The following CSMD2 variants were observed in gnomAD, a reference collection of about 807,000 sequenced individuals.
CSMD2 encodes the protein CUB and Sushi multiple domains 2.
Under a neutral mutation model 398.5 loss-of-function variants are expected in CSMD2, and 130 were observed. The observed-to-expected ratio is 0.33, with a 90% CI of 0.28 to 0.38. CSMD2 has a LOEUF of 0.38. CSMD2 is among the 10% of genes least tolerant of loss of function. CSMD2 has a pLI of 1.00. For synonymous variants in CSMD2, 1,828 were observed against 1,908.5 expected (o/e 0.96, Z 1.10); for missense variants, 3,829 against 4,764.9 (o/e 0.80, Z 5.78).
intron 4 of CSMD2, among the ~76,000 whole-genome samples, chr1:33,920,612 G>A (rs1414888127): frequency 6.6e-6 from 1 of 151,888 alleles, no homozygotes; most frequent in Non-Finnish European, 1.5e-5. Context: ...AAGTGGCAGG[G>A]GAGGCAGGGC....
In CSMD2 at chr1:33,635,279, T is replaced by C. The variant is rs138573976; in HGVS notation, c.5021A>G (p.Asn1674Ser). Residue 1674 changes from asparagine (N) to serine (S), a missense_variant, in exon 31 of 71, where the codon AAC (asparagine) becomes AGC (serine). Around this residue, in one of 5 missense-constraint regions of CSMD2, gnomAD observed 2,001 missense variants for 2,567.1 expected, o/e 0.78. Coordinates refer to ENST00000373381, the MANE Select transcript of CSMD2 (RefSeq NM_001281956.2). This position sits in a 1 kb window ranked among gnomAD's most constrained non-coding sequence, Gnocchi z 5.0. The stretch of plus-strand genomic sequence containing the variant: ...TCCACTGGTGTAGTTCTGGGGGTAG[T>C]TGGGGGACAAGACCACTCCGTCCGA... Reference protein sequence around the residue: ...VGSDGVVLSPNYPQNYTSGQI... With the variant: ...VGSDGVVLSPSYPQNYTSGQI... 5 of 1,612,788 alleles carry C rather than the reference T, an allele frequency of 3.1e-6. No homozygotes were observed. Among genetic ancestry groups the C allele is most frequent in the African/African-American group, 2.7e-5 (2 of 74,622 alleles).
intron 4 of CSMD2, among the ~76,000 whole-genome samples, chr1:33,922,476 A>G (rs1403977312): frequency 6.6e-6 from 1 of 152,164 alleles, no homozygotes; most frequent in Admixed American, 6.5e-5. Flanking sequence ...CCAGGTGGAC[A>G]ACAAAGAATT....
At position 33,952,695 on chromosome 1, in the gene CSMD2, C is replaced by CAT. The variant is rs1328770808; in HGVS notation, c.518-16742_518-16741insAT. Among the ~76,000 whole-genome samples the CAT allele has an allele frequency of 6.5e-5, 9 of 137,640 alleles. No individual in the cohort carries two copies. The East Asian group carries it at 1.5e-3, about 24-fold the overall frequency. The allele number at this position is 137,640 out of a possible 152,430, so 90.3% of individuals were successfully genotyped here. A position where few individuals can be genotyped will look rare whatever the true frequency, so the allele number is the denominator to read the frequency against. ...TTGTTTACACACACACACACACACA[C>CAT]ACACACATGCACACACACAAACATT... On this transcript the variant is annotated intron_variant, in intron 3 of 70. Transcript: ENST00000373381.
At chr1:33,941,999 T>C (rs1337421182) in intron 3 of CSMD2, among the ~76,000 whole-genome samples, 1 of 152,198 alleles carries the variant, frequency 6.6e-6, no homozygotes, top group African/African-American at 2.4e-5. Context: ...TTTTTTGGTC[T>C]TTTTTGTTCA....
intron 1 of CSMD2, among the ~76,000 whole-genome samples, chr1:34,130,859 C>T (rs2148497122): frequency 6.6e-6 from 1 of 152,202 alleles, no homozygotes; most frequent in Non-Finnish European, 1.5e-5. Context: ...AAACCCGTCC[C>T]AGGTCCCCAT....
intron 49 of CSMD2, among the ~76,000 whole-genome samples, chr1:33,573,806 G>A (rs573570397): frequency 6.6e-5 from 10 of 152,240 alleles, no homozygotes; most frequent in Admixed American, 6.5e-4. Flanking sequence ...AGATGGAAAG[G>A]GAGCCAAAGG....
chr1:33,752,104 T>C (rs989520311), intron 13 of CSMD2, among the ~76,000 whole-genome samples: 1 of 152,230 alleles, frequency 6.6e-6, no homozygotes, highest in Non-Finnish European at 1.5e-5. Flanking sequence ...TAGCTAAATG[T>C]ATTAAACAGT....
Position 33,739,137 on chromosome 1 carries a change from T to C in CSMD2, c.2368+3A>G. On this transcript the variant is annotated splice_donor_region_variant and intron_variant, in intron 15 of 70. Coordinates refer to ENST00000373381, the MANE Select transcript of CSMD2 (RefSeq NM_001281956.2). ...CCACTGCTCCCAGCCTGCAGGCTCG[T>C]ACCTTCACACCGCAGCACAGCGCTG... 6.2e-7 allele frequency: 1 copy of C among 1,610,494 alleles called. No individual in the cohort carries two copies. The highest frequency in any genetic ancestry group is 8.5e-7 in the Non-Finnish European group (1 of 1,178,708).
chr1:33,576,176 A>G (rs1660052621), intron 49 of CSMD2, among the ~76,000 whole-genome samples: 1 of 152,268 alleles, frequency 6.6e-6, no homozygotes, highest in African/African-American at 2.4e-5. Flanking sequence ...ATGGAATTAT[A>G]AGTTTATCGT....
chr1:34,157,133 G>GA (rs1421664519), intron 1 of CSMD2, among the ~76,000 whole-genome samples: 1 of 152,182 alleles, frequency 6.6e-6, no homozygotes, highest in Non-Finnish European at 1.5e-5. Context: ...TCTCCCTGAA[G>GA]AATGATCCCT....
chr1:33,986,081 C>T (rs12137848), intron 3 of CSMD2, among the ~76,000 whole-genome samples: 4,107 of 152,284 alleles, frequency 0.027, 150 homozygotes, highest in East Asian at 0.19. Flanking sequence ...GGCACCACCC[C>T]AGTCCAGCCC....
chr1:34,015,240 TCGA>T (rs539933690), intron 3 of CSMD2, among the ~76,000 whole-genome samples: 55 of 152,304 alleles, frequency 3.6e-4, no homozygotes, highest in Admixed American at 1.4e-3. Context: ...GGAAGCACAC[TCGA>T]CCTCACTGGG....
chr1:33,810,901 A>C (rs1435064904), intron 9 of CSMD2, 37 bp from the exon 10 acceptor site: 1 of 1,604,630 alleles, frequency 6.2e-7, no homozygotes, highest in Non-Finnish European at 8.5e-7. Flanking sequence ...TTGAATTAAG[A>C]CTAGGTCCAG....
intron 1 of CSMD2, among the ~76,000 whole-genome samples, chr1:34,110,332 T>A (rs781688138): frequency 6.6e-6 from 1 of 152,104 alleles, no homozygotes; most frequent in Non-Finnish European, 1.5e-5. Context: ...AACCCAGCAA[T>A]CCCATTACTG....
At position 33,580,852 on chromosome 1, in the gene CSMD2, A is replaced by G; in HGVS notation, c.7288T>C (p.Ser2430Pro). 6.2e-7 allele frequency: 1 copy of G among 1,614,108 alleles called. No homozygotes were observed. The highest frequency in any genetic ancestry group is 1.7e-5 in the Admixed American group (1 of 60,018). Reference sequence around the variant, plus strand: ...GAGCTGGTGACAATCAGGGGAGCTGAGTAATTCCCACTGAGGGCTTTCAGC... The same window carrying G: ...GAGCTGGTGACAATCAGGGGAGCTGGGTAATTCCCACTGAGGGCTTTCAGC... ...PLLKALSGNY[S>P]APLIVTSSSN... Residue 2430 changes from serine to proline, a missense_variant, in exon 48 of 71, where the codon TCA becomes CCA. Physicochemically the swap from Ser to Pro is moderately conservative, Grantham distance 74. Transcript: ENST00000373381.
chr1:33,521,562 G>A lies in CSMD2; in HGVS notation c.10510-12C>T, dbSNP rs1180832649. ...GACTCTGACGAGACCTGTGATGGTG[G>A]GGAGCACAGAGAGCAGGTGGGAGGC... On this transcript the variant is annotated splice_polypyrimidine_tract_variant and intron_variant, in intron 67 of 70. Transcript: ENST00000373381. 1 of 1,572,512 alleles carries A rather than the reference G, an allele frequency of 6.4e-7. No homozygotes were observed. The highest frequency in any genetic ancestry group is 2.2e-5 in the East Asian group (1 of 44,688).
At chr1:34,063,597 G>A (rs1654769629) in intron 2 of CSMD2, among the ~76,000 whole-genome samples, 1 of 152,212 alleles carries the variant, frequency 6.6e-6, no homozygotes, top group African/African-American at 2.4e-5. Flanking sequence ...GTCTTGGGCA[G>A]CTCCGGCCTG....
intron 1 of CSMD2, among the ~76,000 whole-genome samples, chr1:34,113,504 C>G (rs1291196530): frequency 1.3e-5 from 2 of 152,174 alleles, no homozygotes; most frequent in African/African-American, 4.8e-5. Flanking sequence ...CTGGGAGAGA[C>G]TTTATTATGG....
intron 28 of CSMD2, 129 bp downstream of exon 28, chr1:33,652,194 T>A (rs1470261591): frequency 1.1e-6 from 1 of 919,342 alleles, no homozygotes; most frequent in African/African-American, 1.7e-5. Context: ...TCTCTCTCTC[T>A]CGGCTTCTTC....
Sources: allele counts gnomAD v4.1 joint callset (sites outside exome capture counted in the v4.1 genomes callset), GRCh38; gene constraint gnomAD v4.1.1; regional missense constraint gnomAD v4.1.1; non-coding constraint Gnocchi (gnomAD v3.1); transcripts MANE v1.5; gene names NCBI Gene and HGNC (gene_info 2026-07-23, HGNC 2026-07-21).